SPTBN2: variants seen among roughly 807,000 people sequenced by gnomAD.
The protein encoded by SPTBN2 is spectrin beta chain, non-erythrocytic 2.
A neutral mutation model predicts 284.2 loss-of-function variants in SPTBN2; 107 were observed. That is an observed-to-expected ratio of 0.38 (90% CI 0.32 to 0.44). SPTBN2 has a LOEUF of 0.44. Among genes scored for constraint, SPTBN2 ranks in the 20% least tolerant of loss-of-function variants. SPTBN2 has a pLI of 1.00. For missense variants in SPTBN2, 2,569 were observed against 3,287.1 expected (o/e 0.78, Z 5.34); for synonymous variants, 1,289 against 1,354.8 (o/e 0.95, Z 1.07).
rs1941620355 is a variant in SPTBN2, at chr11:66,707,453, C to T, written c.1653+63G>A. 1 of 1,532,180 alleles carries T rather than the reference C, an allele frequency of 6.5e-7. No homozygotes were observed. The highest frequency in any genetic ancestry group is 1.2e-5 in the South Asian group (1 of 83,530). 94.9% of individuals were successfully genotyped at this position (1,532,180 alleles called of 1,614,324 possible). ...TCGGCCGAGCAGACGGGCGGACGCA[C>T]CCACTGTGGGGCCCCCTCGACTCTT... On this transcript the variant is annotated intron_variant, in intron 13 of 37. Coordinates refer to ENST00000533211, the MANE Select transcript of SPTBN2 (RefSeq NM_006946.4). This position sits in a 1 kb window ranked among gnomAD's most constrained non-coding sequence, Gnocchi z 4.9.
intron 19 of SPTBN2, 38 bp from the exon 20 acceptor site, chr11:66,698,823 G>A: frequency 6.2e-7 from 1 of 1,611,430 alleles, no homozygotes; most frequent in Non-Finnish European, 8.5e-7. Context: ...TCCAAGGGAG[G>A]GGAGAGGGGG....
intron 1 of SPTBN2, among the ~76,000 whole-genome samples, chr11:66,737,723 C>T (rs1045193048): frequency 2.4e-4 from 37 of 152,222 alleles, no homozygotes; most frequent in African/African-American, 7.2e-4. Context: ...AGGTGAAGTA[C>T]GTCAGTGTTT....
chr11:66,714,345 C>T lies in SPTBN2; in HGVS notation c.546G>A (p.Leu182=). ...NKEKKSAKDA[L]LLWCQMKTAG... Reference sequence around the variant, plus strand: ...CAGTCTTCATCTGGCACCACAGAAGCAGGGCATCCTTGGCTGACTTCTTCT... The same window carrying T: ...CAGTCTTCATCTGGCACCACAGAAGTAGGGCATCCTTGGCTGACTTCTTCT... The change falls in exon 6 of 38, where the codon CTG becomes CTA. Residue 182 remains leucine (L), a synonymous_variant. Transcript: ENST00000533211. 1.2e-6 allele frequency: 2 copies of T among 1,614,080 alleles called. No homozygotes were observed. Among genetic ancestry groups the T allele is most frequent in the Non-Finnish European group, 1.7e-6 (2 of 1,180,012 alleles).
Position 66,690,234 on chromosome 11 carries a change from C to T in SPTBN2, c.5615G>A (p.Gly1872Glu), listed in dbSNP as rs765304999. 1.2e-6 allele frequency: 2 copies of T among 1,612,884 alleles called. No individual in the cohort carries two copies. The highest frequency in any genetic ancestry group is 1.1e-5 in the South Asian group (1 of 91,028). Residue 1872 changes from glycine (G) to glutamate (E), a missense_variant, in exon 28 of 38, where the codon GGA (glycine) becomes GAA (glutamate). Around this residue, in one of 6 missense-constraint regions of SPTBN2, gnomAD observed 1,130 missense variants for 1,317.3 expected, o/e 0.86. Coordinates refer to ENST00000533211, the MANE Select transcript of SPTBN2 (RefSeq NM_006946.4). ...GCGGCCGATCTCCTCAGCCTTGTCT[C>T]CAGCGTAGGCCTTCTGGAGCCGGTG... ...DGHRLQKAYA[G>E]DKAEEIGRHM...
intron 21 of SPTBN2, among the ~76,000 whole-genome samples, chr11:66,695,584 C>T (rs968587973): frequency 2.6e-5 from 4 of 151,812 alleles, no homozygotes; most frequent in South Asian, 2.1e-4. Context: ...ACATATAATC[C>T]GCAGCTGCTT....
chr11:66,699,090 G>T lies in SPTBN2; in HGVS notation c.3777-8C>A. The T allele has an allele frequency of 6.2e-7, 1 of 1,614,162 alleles. No homozygotes were observed. Among genetic ancestry groups the T allele is most frequent in the Non-Finnish European group, 8.5e-7 (1 of 1,180,020 alleles). On this transcript the variant is annotated splice_polypyrimidine_tract_variant and splice_region_variant and intron_variant, in intron 18 of 37. Coordinates refer to ENST00000533211, the MANE Select transcript of SPTBN2 (RefSeq NM_006946.4). ...TCTTGATTCTTCTTGTGCCTGGAAC[G>T]ACACCCTCTTGTGAAACTCTGGAAT...
At chr11:66,686,770 G>C in intron 36 of SPTBN2, 1 of 667,282 alleles carries the variant, frequency 1.5e-6, no homozygotes, top group South Asian at 1.9e-5. Context: ...TTTTCACCTT[G>C]ACATTGGCAG....
Position 66,693,294 on chromosome 11 carries a change from CT to C in SPTBN2, c.4745del (p.Lys1582SerfsTer30), listed in dbSNP as rs1565119400. The C allele has an allele frequency of 6.2e-7, 1 of 1,613,646 alleles. No individual in the cohort carries two copies. The highest frequency in any genetic ancestry group is 8.5e-7 in the Non-Finnish European group (1 of 1,180,044). ...GGGCTCGCAGGGCATCCTCCAGTCG[CT>C]TCCCTCGAAGTTCCAGCTCGTGGCC... ...RLGHELELRG[K>X]RLEDALRAQQ... is the part of the protein sequence containing the mutation. On this transcript the variant is annotated frameshift_variant, in exon 24 of 38. Coordinates refer to ENST00000533211, the MANE Select transcript of SPTBN2 (RefSeq NM_006946.4). LOFTEE classifies it high-confidence loss of function. This position sits in a 1 kb window ranked among gnomAD's most constrained non-coding sequence, Gnocchi z 5.7.
chr11:66,700,429 T>C lies in SPTBN2; in HGVS notation c.3573+97A>G. The C allele has an allele frequency of 6.4e-7, 1 of 1,555,430 alleles. No homozygotes were observed. Among genetic ancestry groups the C allele is most frequent in the East Asian group, 2.2e-5 (1 of 44,606 alleles). On this transcript the variant is annotated intron_variant, in intron 17 of 37. Transcript: ENST00000533211. This position sits in a 1 kb window ranked among gnomAD's most constrained non-coding sequence, Gnocchi z 6.6. ...TGTGAACCACTGCGCTGCCCCATTT[T>C]GCTAGCATGTCCTTCCTGCCCATCC... is the stretch of plus-strand genomic sequence containing the variant.
At chr11:66,696,596 C>A in intron 20 of SPTBN2, 56 bp from the exon 21 acceptor site, 1 of 1,603,660 alleles carries the variant, frequency 6.2e-7, no homozygotes, top group Non-Finnish European at 8.5e-7. Context: ...ACTTTAGAGG[C>A]TGAGAGCAGA....
chr11:66,709,224 C>G (rs1025483178), intron 10 of SPTBN2, among the ~76,000 whole-genome samples: 2 of 152,198 alleles, frequency 1.3e-5, no homozygotes, highest in African/African-American at 4.8e-5. Context: ...GTCACCCAGG[C>G]TGGAGTGCAG....
In SPTBN2 at chr11:66,694,204, G is replaced by A. The variant is rs113974204; in HGVS notation, c.4438C>T (p.Arg1480Cys). Reference sequence around the variant, plus strand: ...CGAGAAGCCTGCAGGCGCCGGCAGCGTTCCCGCATGGGCTGGCACAAGGCC... The same window carrying A: ...CGAGAAGCCTGCAGGCGCCGGCAGCATTCCCGCATGGGCTGGCACAAGGCC... ...FRALCQPMRE[R>C]CRRLQASREQ... Residue 1480 changes from arginine (R) to cysteine (C), a missense_variant, in exon 22 of 38, where the codon CGC (arginine) becomes TGC (cysteine). Coordinates refer to ENST00000533211, the MANE Select transcript of SPTBN2 (RefSeq NM_006946.4). The A allele has an allele frequency of 8.7e-6, 14 of 1,613,606 alleles. No individual in the cohort carries two copies. Among genetic ancestry groups the A allele is most frequent in the Admixed American group, 3.3e-5 (2 of 60,010 alleles).
intron 1 of SPTBN2, among the ~76,000 whole-genome samples, chr11:66,725,791 T>A (rs1476647329): frequency 6.6e-6 from 1 of 152,186 alleles, no homozygotes; most frequent in Admixed American, 6.5e-5. Context: ...CAGACTAGGC[T>A]CACCGTGCCG....
chr11:66,717,233 C>T (rs895136322), intron 3 of SPTBN2, among the ~76,000 whole-genome samples: 8 of 152,090 alleles, frequency 5.3e-5, no homozygotes, highest in South Asian at 4.1e-4. Context: ...GAAGTAAATA[C>T]TAGGTTCCGT....
chr11:66,692,933 C>T, intron 25 of SPTBN2, 37 bp downstream of exon 25: 1 of 1,599,338 alleles, frequency 6.3e-7, no homozygotes, highest in Non-Finnish European at 8.5e-7. Flanking sequence ...GCAGCCGGCT[C>T]CACCCCCAGG....
chr11:66,689,422 C>T (rs914364977), intron 29 of SPTBN2: 30 of 540,856 alleles, frequency 5.5e-5, no homozygotes, highest in East Asian at 1.4e-4. Flanking sequence ...TACAGGTGCC[C>T]GCCACCACGC....
rs34806527 is a variant in SPTBN2 at position 66,691,374 on chromosome 11, C to T, written c.5475G>A (p.Pro1825=). 2.1e-5 allele frequency: 34 copies of T among 1,594,622 alleles called. No homozygotes were observed. Among genetic ancestry groups the T allele is most frequent in the African/African-American group, 1.2e-4 (9 of 74,614 alleles). Reference sequence around the variant, plus strand: ...CGTTGAGGTCGCGGCCAGTCCCGTCCGGAAGCTGCTGCTGCTTGTGCTGCA... The same window carrying T: ...CGTTGAGGTCGCGGCCAGTCCCGTCTGGAAGCTGCTGCTGCTTGTGCTGCA... ...ARVQHKQQQL[P]DGTGRDLNAA... is the part of the protein sequence containing the mutation. Residue 1825 remains proline (P), a synonymous_variant, in exon 27 of 38, where the codon CCG becomes CCA. Transcript: ENST00000533211. The surrounding 1 kb of genome is among the most constrained non-coding windows in gnomAD (Gnocchi z 8.0).
At chr11:66,704,461 G>A (rs555120850) in intron 15 of SPTBN2, 137 bp downstream of exon 15, 5 of 1,084,064 alleles carry the variant, frequency 4.6e-6, no homozygotes, top group Middle Eastern at 3.1e-4. Flanking sequence ...AACATTTTTT[G>A]TTAAAACTAG....
At position 66,691,248 on chromosome 11, in the gene SPTBN2, C is replaced by G. The variant is rs776534782; in HGVS notation, c.5565+36G>C. On this transcript the variant is annotated intron_variant, in intron 27 of 37. Coordinates refer to ENST00000533211, the MANE Select transcript of SPTBN2 (RefSeq NM_006946.4). The surrounding 1 kb of genome is among the most constrained non-coding windows in gnomAD (Gnocchi z 8.0). ...CCCGGCATTTCCCCCATGGCCTCCT[C>G]TAAGCCTCCCCCACCTCCTCATGCT... is the stretch of plus-strand genomic sequence containing the variant. The G allele has an allele frequency of 8.6e-6, 13 of 1,511,212 alleles. No homozygotes were observed. The Admixed American group carries it at 2.7e-4, about 31-fold the overall frequency. The allele number at this position is 1,511,212 out of a possible 1,614,324, so 93.6% of individuals were successfully genotyped here.
Sources: gnomAD v4.1 joint callset for allele counts (sites outside exome capture counted in the v4.1 genomes callset) on GRCh38, gnomAD v4.1.1 for gene constraint, gnomAD v4.1.1 regional missense constraint, Gnocchi (gnomAD v3.1) non-coding constraint, MANE v1.5 for transcripts, NCBI Gene and HGNC (gene_info 2026-07-23, HGNC 2026-07-21) for gene names.